The following ZMIZ2 variants were observed in gnomAD, a reference collection of about 807,000 sequenced individuals.
ZMIZ2 encodes zinc finger MIZ domain-containing protein 2.
ZMIZ2 carries 26 observed loss-of-function variants against 93.9 expected under a neutral mutation model. The ratio of observed to expected loss-of-function variants is 0.28; its 90% CI spans 0.20 to 0.38. The LOEUF (loss-of-function observed/expected upper bound fraction) is 0.38. Among genes scored for constraint, ZMIZ2 ranks in the 10% least tolerant of loss-of-function variants. The pLI is 1.00. For missense variants in ZMIZ2, 1,023 were observed against 1,235.0 expected (o/e 0.83, Z 2.57); for synonymous variants, 485 against 516.4 (o/e 0.94, Z 0.82).
rs545416939 is a variant in ZMIZ2 at position 44,767,587 on chromosome 7, C to T, written c.2727C>T (p.Asn909=). ...YLGPPDLPTN[N]NDDLLSLFEN... is the part of the protein sequence containing the mutation. ...GCCCACCCGACCTCCCTACGAACAA[C>T]AATGACGACCTGCTTTCTCTGTTTG... is the stretch of plus-strand genomic sequence containing the variant. Residue 909 remains asparagine, a synonymous_variant, in exon 19 of 19, where the codon AAC becomes AAT. Coordinates refer to ENST00000309315, the MANE Select transcript of ZMIZ2 (RefSeq NM_031449.4). The T allele has an allele frequency of 1.9e-6, 3 of 1,614,208 alleles. No individual in the cohort carries two copies. The South Asian group carries it at 3.3e-5, about 18-fold the overall frequency.
rs148415930 is a variant in ZMIZ2, at chr7:44,764,763, G to A, written c.1929-178G>A. 4.0e-3 allele frequency among the ~76,000 whole-genome samples: 610 copies of A among 152,276 alleles called. 4 individuals carry two copies. The highest frequency in any genetic ancestry group is 0.013 in the African/African-American group (551 of 41,534). On this transcript the variant is annotated intron_variant, in intron 14 of 18. Coordinates refer to ENST00000309315, the MANE Select transcript of ZMIZ2 (RefSeq NM_031449.4). ...CTCACACAAGGGTCAGTCACACAGGGTCACCTTGTACTGTCACCTCACATA... is the reference window on the plus strand; with the variant it reads ...CTCACACAAGGGTCAGTCACACAGGATCACCTTGTACTGTCACCTCACATA...
At chr7:44,753,930 G>A (rs577959974) in intron 1 of ZMIZ2, among the ~76,000 whole-genome samples, 33 of 152,226 alleles carry the variant, frequency 2.2e-4, no homozygotes, top group Non-Finnish European at 4.6e-4. Flanking sequence ...TGGAAAGGCT[G>A]TCCTTCCTCC....
intron 11 of ZMIZ2, 103 bp downstream of exon 11, chr7:44,762,008 TGGCCCAGCGGCGCAGTGGGAGCGGAGCCA>T: frequency 7.8e-7 from 1 of 1,280,046 alleles, no homozygotes; most frequent in Non-Finnish European, 1.0e-6. Flanking sequence ...GGGCGGGGCC[TGGCCCAGCGGCGCAGTGGGAGCGGAGCCA>T]GGACATGGGC....
At chr7:44,762,746 CAGCTCACCCTGCCCTCAGCCTTGTCCCT>C in intron 11 of ZMIZ2, 107 bp from the exon 12 acceptor site, 1 of 607,748 alleles carries the variant, frequency 1.6e-6, no homozygotes, top group Non-Finnish European at 2.7e-6. Flanking sequence ...TCCCCACCCC[CAGCTCACCCTGCCCTCAGCCTTGTCCCT>C]CCCCCACCTG....
chr7:44,763,242 CT>C lies in ZMIZ2; in HGVS notation c.1703-12del. ...GGGACCCTTTACTCAAGTCCTTTAC[CT>C]TGTTGATGTCAGTAAAGCGGAACTT... On this transcript the variant is annotated splice_polypyrimidine_tract_variant and intron_variant, in intron 12 of 18. Coordinates refer to ENST00000309315, the MANE Select transcript of ZMIZ2 (RefSeq NM_031449.4). This position sits in a 1 kb window ranked among gnomAD's most constrained non-coding sequence, Gnocchi z 5.6. 6.2e-7 allele frequency: 1 copy of C among 1,613,440 alleles called. No individual in the cohort carries two copies. Among genetic ancestry groups the C allele is most frequent in the East Asian group, 2.2e-5 (1 of 44,866 alleles).
At chr7:44,757,304 T>G in intron 4 of ZMIZ2, 74 bp from the exon 5 acceptor site, 1 of 1,548,252 alleles carries the variant, frequency 6.5e-7, no homozygotes, top group Non-Finnish European at 8.7e-7. Flanking sequence ...GGGTGCTGCA[T>G]GCCTCTGGGG....
At chr7:44,767,405 T>C in intron 18 of ZMIZ2, 111 bp from the exon 19 acceptor site, 2 of 955,226 alleles carry the variant, frequency 2.1e-6, no homozygotes, top group Non-Finnish European at 3.3e-6. Context: ...GAGGGGCTGC[T>C]CAGCATCCCC....
rs1166378969 is a variant in ZMIZ2 at position 44,748,934 on chromosome 7, A to C, written c.-120A>C. ...GCGGCGCGGAGGGCGGGCTGAGCGC[A>C]TGGAGCGGCGCGGGCCGGGGGCCGC... On this transcript the variant is annotated 5_prime_UTR_variant, in exon 1 of 19. It removes an upstream start codon present in the reference 5' UTR. Coordinates refer to ENST00000309315, the MANE Select transcript of ZMIZ2 (RefSeq NM_031449.4). 6.8e-6 allele frequency: 1 copy of C among 147,446 alleles called. No individual in the cohort carries two copies. Among genetic ancestry groups the C allele is most frequent in the Non-Finnish European group, 1.5e-5 (1 of 65,972 alleles). The allele number at this position is 147,446 out of a possible 1,614,324, so 9.1% of individuals were successfully genotyped here. A position where few individuals can be genotyped will look rare whatever the true frequency, so the allele number is the denominator to read the frequency against.
rs1319817734 is a variant in ZMIZ2, at chr7:44,769,509, C to A, written c.*1886C>A. On this transcript the variant is annotated 3_prime_UTR_variant, in exon 19 of 19. Transcript: ENST00000309315. ...GAAGTGGAGGAAACAAAAGAAGCAG[C>A]AGCACGCACAGTCCTGTCGCTGGGT... is the stretch of plus-strand genomic sequence containing the variant. The A allele has an allele frequency of 6.5e-6, 1 of 152,744 alleles. No homozygotes were observed. The highest frequency in any genetic ancestry group is 1.5e-5 in the Non-Finnish European group (1 of 68,108). The allele number at this position is 152,744 out of a possible 1,614,324, so 9.5% of individuals were successfully genotyped here.
Position 44,765,450 on chromosome 7 carries a change from A to C in ZMIZ2, c.2113A>C (p.Thr705Pro), listed in dbSNP as rs1454165796. 6.2e-7 allele frequency: 1 copy of C among 1,607,404 alleles called. No homozygotes were observed. The highest frequency in any genetic ancestry group is 1.7e-5 in the Admixed American group (1 of 60,008). The change falls in exon 16 of 19, where the codon ACC (threonine) becomes CCC (proline). Residue 705 changes from threonine (T) to proline (P), a missense_variant. Thr to Pro is a conservative substitution (Grantham distance 38). This residue lies in a region of ZMIZ2 where 319 missense variants were observed against 358.8 expected (regional missense o/e 0.89). Coordinates refer to ENST00000309315, the MANE Select transcript of ZMIZ2 (RefSeq NM_031449.4). This position sits in a 1 kb window ranked among gnomAD's most constrained non-coding sequence, Gnocchi z 4.1. The stretch of plus-strand genomic sequence containing the variant: ...TGGGCCAGCACTGAAGCGCTGCCGC[A>C]CCGTGAGCCCCGCCCACGTGCTCAT... ...PDGPALKRCR[T>P]VSPAHVLMPS...
chr7:44,765,841 T>C lies in ZMIZ2; in HGVS notation c.2242+262T>C. ...TCCTTCCCCGTTTGGATTAAGGGGCTCCTGGCTGGAACACCTCACAGGACT... is the reference window on the plus strand; with the variant it reads ...TCCTTCCCCGTTTGGATTAAGGGGCCCCTGGCTGGAACACCTCACAGGACT... On this transcript the variant is annotated intron_variant, in intron 16 of 18. Coordinates refer to ENST00000309315, the MANE Select transcript of ZMIZ2 (RefSeq NM_031449.4). The surrounding 1 kb of genome is among the most constrained non-coding windows in gnomAD (Gnocchi z 4.1). 1.8e-6 allele frequency: 2 copies of C among 1,102,046 alleles called. No homozygotes were observed. Among genetic ancestry groups the C allele is most frequent in the Non-Finnish European group, 2.5e-6 (2 of 804,772 alleles). 68.3% of individuals were successfully genotyped at this position (1,102,046 alleles called of 1,614,324 possible).
Position 44,765,319 on chromosome 7 carries a change from A to C in ZMIZ2, c.1998-16A>C, listed in dbSNP as rs762304035. On this transcript the variant is annotated splice_polypyrimidine_tract_variant and intron_variant, in intron 15 of 18. Coordinates refer to ENST00000309315, the MANE Select transcript of ZMIZ2 (RefSeq NM_031449.4). The surrounding 1 kb of genome is among the most constrained non-coding windows in gnomAD (Gnocchi z 4.1). Reference sequence around the variant, plus strand: ...GCAGGCCAGGAGGTAACCATTCCCCACCTGTCCCTGCCCAGCTCTGACTAT... The same window carrying C: ...GCAGGCCAGGAGGTAACCATTCCCCCCCTGTCCCTGCCCAGCTCTGACTAT... 1.9e-6 allele frequency: 3 copies of C among 1,610,786 alleles called. No homozygotes were observed. Among genetic ancestry groups the C allele is most frequent in the Non-Finnish European group, 2.5e-6 (3 of 1,178,544 alleles).
rs749050673 is a variant in ZMIZ2 at position 44,766,252 on chromosome 7, A to C, written c.2331A>C (p.Gly777=). ...STPTLAEFTP[G]PPPISYQSDI... is the part of the protein sequence containing the mutation. ...CAACCCTTGCTGAGTTCACCCCGGGACCACCCCCCATCTCCTACCAGTCTG... is the reference window on the plus strand; with the variant it reads ...CAACCCTTGCTGAGTTCACCCCGGGCCCACCCCCCATCTCCTACCAGTCTG... The change falls in exon 17 of 19, where the codon GGA becomes GGC. Residue 777 remains glycine, a synonymous_variant. Transcript: ENST00000309315. The surrounding 1 kb of genome is among the most constrained non-coding windows in gnomAD (Gnocchi z 4.4). 2 of 1,363,968 alleles carry C rather than the reference A, an allele frequency of 1.5e-6. No homozygotes were observed. The highest frequency in any genetic ancestry group is 2.0e-6 in the Non-Finnish European group (2 of 1,020,788). The allele number at this position is 1,363,968 out of a possible 1,614,324, so 84.5% of individuals were successfully genotyped here. A position where few individuals can be genotyped will look rare whatever the true frequency, so the allele number is the denominator to read the frequency against.
intron 9 of ZMIZ2, 142 bp downstream of exon 9, chr7:44,760,735 G>T (rs778178194): frequency 1.3e-5 from 14 of 1,084,990 alleles, no homozygotes; most frequent in Admixed American, 2.6e-5. Flanking sequence ...GGGTGTGGTG[G>T]CTCACACTTG....
Position 44,761,973 on chromosome 7 carries a change from G to A in ZMIZ2, c.1596+68G>A, listed in dbSNP as rs928728217. On this transcript the variant is annotated intron_variant, in intron 11 of 18. Transcript: ENST00000309315. This position sits in a 1 kb window ranked among gnomAD's most constrained non-coding sequence, Gnocchi z 5.8. The stretch of plus-strand genomic sequence containing the variant: ...GGGGTGTGGTGGGGCCTGGCCCAGC[G>A]GTGCCGTGGGGTGGGGCGGGGTGTG... 6.2e-6 allele frequency: 9 copies of A among 1,448,996 alleles called. No individual in the cohort carries two copies. The highest frequency in any genetic ancestry group is 8.2e-6 in the Non-Finnish European group (9 of 1,101,038). 89.8% of individuals were successfully genotyped at this position (1,448,996 alleles called of 1,614,324 possible).
At position 44,765,147 on chromosome 7, in the gene ZMIZ2, A is replaced by G. The variant is rs1448977035; in HGVS notation, c.1997+138A>G. The stretch of plus-strand genomic sequence containing the variant: ...GAGCAGGCTGGATTCCAGGCCAGAG[A>G]CAGCGTGTGTGTCCTACCTGAGTGT... On this transcript the variant is annotated intron_variant, in intron 15 of 18. Transcript: ENST00000309315. The surrounding 1 kb of genome is among the most constrained non-coding windows in gnomAD (Gnocchi z 4.1). 1.2e-5 allele frequency: 18 copies of G among 1,440,012 alleles called. No homozygotes were observed. The African/African-American group carries it at 2.2e-4, about 18-fold the overall frequency. The allele number at this position is 1,440,012 out of a possible 1,614,324, so 89.2% of individuals were successfully genotyped here. A position where few individuals can be genotyped will look rare whatever the true frequency, so the allele number is the denominator to read the frequency against.
chr7:44,763,637 C>G lies in ZMIZ2; in HGVS notation c.1860+224C>G. On this transcript the variant is annotated intron_variant, in intron 13 of 18. Transcript: ENST00000309315. This position sits in a 1 kb window ranked among gnomAD's most constrained non-coding sequence, Gnocchi z 5.6. ...GTCATTTTACTAACTTTTTTACTGCCTGCTTCATTCATGGGTTCAAGTTTT... is the reference window on the plus strand; with the variant it reads ...GTCATTTTACTAACTTTTTTACTGCGTGCTTCATTCATGGGTTCAAGTTTT... The G allele has an allele frequency of 1.7e-6, 1 of 590,074 alleles. No homozygotes were observed. Among genetic ancestry groups the G allele is most frequent in the Non-Finnish European group, 2.9e-6 (1 of 347,574 alleles). 36.6% of individuals were successfully genotyped at this position (590,074 alleles called of 1,614,324 possible). A position where few individuals can be genotyped will look rare whatever the true frequency, so the allele number is the denominator to read the frequency against.
chr7:44,755,049 A>T (rs1790473905), intron 1 of ZMIZ2, among the ~76,000 whole-genome samples: 1 of 152,104 alleles, frequency 6.6e-6, no homozygotes, highest in African/African-American at 2.4e-5. Flanking sequence ...AAGGCGTGGC[A>T]CTCAGAAGCA....
In ZMIZ2 at chr7:44,760,580, C is replaced by T; in HGVS notation, c.1227C>T (p.His409=). The T allele has an allele frequency of 3.1e-6, 5 of 1,614,058 alleles. No individual in the cohort carries two copies. Among genetic ancestry groups the T allele is most frequent in the Non-Finnish European group, 4.2e-6 (5 of 1,180,002 alleles). ...PDLKPNLNSL[H]SSPSGSGPCD... ...TCAAGCCCAACCTCAACTCCTTGCA[C>T]TCATCGCCCTCTGGTAAGTCTGTCC... Residue 409 remains histidine, a synonymous_variant, in exon 9 of 19, where the codon CAC becomes CAT. Transcript: ENST00000309315.
Sources: gnomAD v4.1 joint callset for allele counts (sites outside exome capture counted in the v4.1 genomes callset) on GRCh38, gnomAD v4.1.1 for gene constraint, gnomAD v4.1.1 regional missense constraint, Gnocchi (gnomAD v3.1) non-coding constraint, MANE v1.5 for transcripts, NCBI Gene and HGNC (gene_info 2026-07-23, HGNC 2026-07-21) for gene names.